EPC2: variants seen among roughly 807,000 people sequenced by gnomAD.
EPC2 encodes enhancer of polycomb 2.
In EPC2, 14 loss-of-function variants were observed where a neutral mutation model predicts 92.1. That is an observed-to-expected ratio of 0.15 (90% confidence interval 0.10 to 0.24). The LOEUF is 0.24. Ranked by LOEUF, EPC2 falls within the 10% of genes least tolerant of loss-of-function variation. The pLI is 1.00. For synonymous variants in EPC2, 340 were observed against 334.7 expected, an observed-to-expected ratio of 1.02 and a Z score of -0.17; for missense variants, 755 against 971.5, an observed-to-expected ratio of 0.78 and a Z score of 2.96.
intron 1 of EPC2, among the ~76,000 whole-genome samples, chr2:148,685,498 C>T (rs540216838): frequency 2.6e-5 from 4 of 152,304 alleles, no homozygotes; most frequent in East Asian, 1.9e-4. Flanking sequence ...CGGTGGCTCA[C>T]GCCTGTAATC....
chr2:148,645,276 C>G (rs1273663812), intron 1 of EPC2, 106 bp downstream of exon 1: 15 of 1,045,640 alleles, frequency 1.4e-5, no homozygotes, highest in Non-Finnish European at 2.1e-5. Context: ...GAGGGCGCCG[C>G]TGCCGCTCTA....
At chr2:148,691,706 C>A in intron 2 of EPC2, 1 of 1,270,512 alleles carries the variant, frequency 7.9e-7, no homozygotes, top group Non-Finnish European at 1.1e-6. Flanking sequence ...ACAGTATTAG[C>A]TTTAATTTAG....
chr2:148,655,841 A>G (rs937637007), intron 1 of EPC2, among the ~76,000 whole-genome samples: 2 of 152,022 alleles, frequency 1.3e-5, no homozygotes, highest in Admixed American at 1.3e-4. Flanking sequence ...GAATTGTCTT[A>G]TTTTCACATT....
intron 1 of EPC2, among the ~76,000 whole-genome samples, chr2:148,657,650 G>A (rs1282649992): frequency 6.6e-6 from 1 of 151,832 alleles, no homozygotes; most frequent in Non-Finnish European, 1.5e-5. Flanking sequence ...AGAATATCTA[G>A]GATGCTTTTA....
chr2:148,768,908 A>G (rs537561545), intron 7 of EPC2, among the ~76,000 whole-genome samples: 2 of 152,362 alleles, frequency 1.3e-5, no homozygotes, highest in South Asian at 4.1e-4. Flanking sequence ...CTTCATGTTT[A>G]GAAGCAATCA....
chr2:148,695,846 G>A (rs565994853), intron 2 of EPC2, among the ~76,000 whole-genome samples: 113 of 152,320 alleles, frequency 7.4e-4, no homozygotes, highest in African/African-American at 2.6e-3. Context: ...AATAAAGACT[G>A]GTAAAACAAT....
intron 2 of EPC2, among the ~76,000 whole-genome samples, chr2:148,733,311 C>T (rs55879127): frequency 0.18 from 27,431 of 151,282 alleles, 3,198 homozygotes; most frequent in East Asian, 0.48. Context: ...AAATACTTTA[C>T]TTTTCCTAAT....
chr2:148,756,862 A>G (rs1683200124), intron 4 of EPC2, among the ~76,000 whole-genome samples: 1 of 152,224 alleles, frequency 6.6e-6, no homozygotes, highest in Non-Finnish European at 1.5e-5. Flanking sequence ...GAAAAGATGT[A>G]CAGTTTATTC....
chr2:148,702,272 T>G (rs755626345), intron 2 of EPC2, among the ~76,000 whole-genome samples: 1 of 152,244 alleles, frequency 6.6e-6, no homozygotes, highest in Non-Finnish European at 1.5e-5. Flanking sequence ...AAATCTTGTG[T>G]TGTTAAATTT....
At chr2:148,724,962 T>C (rs1299406248) in intron 2 of EPC2, among the ~76,000 whole-genome samples, 2 of 152,062 alleles carry the variant, frequency 1.3e-5, no homozygotes, top group Non-Finnish European at 2.9e-5. Flanking sequence ...TCACCTTTAT[T>C]ATTAGATGGT....
At chr2:148,775,663 A>AAATAAAATTAAATTTAATTT (rs1558837443) in intron 10 of EPC2, among the ~76,000 whole-genome samples, 3 of 148,136 alleles carry the variant, frequency 2.0e-5, no homozygotes, top group Admixed American at 1.3e-4. Context: ...AAATAAAATT[A>AAATAAAATTAAATTTAATTT]AATAAAATTA....
At chr2:148,647,087 G>C (rs1683818890) in intron 1 of EPC2, among the ~76,000 whole-genome samples, 1 of 151,994 alleles carries the variant, frequency 6.6e-6, no homozygotes. Context: ...TCCAGCCTGG[G>C]GGACAGAGCG....
At chr2:148,668,864 G>T (rs2166971) in intron 1 of EPC2, among the ~76,000 whole-genome samples, 27,871 of 151,638 alleles carry the variant, frequency 0.18, 3,282 homozygotes, top group East Asian at 0.49. Context: ...CTTTCTCTGT[G>T]GATTTTCTGT....
chr2:148,730,056 T>C (rs1192292029), intron 2 of EPC2, among the ~76,000 whole-genome samples: 1 of 152,242 alleles, frequency 6.6e-6, no homozygotes, highest in Non-Finnish European at 1.5e-5. Flanking sequence ...TAGACTTGGA[T>C]TGCATTACCT....
At chr2:148,691,360 C>T (rs1681640326) in intron 2 of EPC2, among the ~76,000 whole-genome samples, 1 of 152,196 alleles carries the variant, frequency 6.6e-6, no homozygotes, top group Non-Finnish European at 1.5e-5. Context: ...CAACATCCGG[C>T]CTAGCTGAAG....
chr2:148,786,065 T>C (rs988287756), intron 13 of EPC2, among the ~76,000 whole-genome samples: 6 of 152,134 alleles, frequency 3.9e-5, no homozygotes, highest in African/African-American at 1.4e-4. Context: ...TGAAATGCCA[T>C]GTTAAATTAT....
chr2:148,676,824 C>G (rs1007852829), intron 1 of EPC2, among the ~76,000 whole-genome samples: 1 of 147,458 alleles, frequency 6.8e-6, no homozygotes, highest in Non-Finnish European at 1.5e-5. Flanking sequence ...GTCTTATAAA[C>G]AGTGCCATGA....
chr2:148,698,584 C>T (rs1206175154), intron 2 of EPC2, among the ~76,000 whole-genome samples: 1 of 139,740 alleles, frequency 7.2e-6, no homozygotes, highest in Admixed American at 8.5e-5. Flanking sequence ...TTCAGTGAGC[C>T]GAGATCGTGC....
intron 1 of EPC2, among the ~76,000 whole-genome samples, chr2:148,646,086 T>C (rs1214533589): frequency 6.6e-6 from 1 of 152,188 alleles, no homozygotes; most frequent in Non-Finnish European, 1.5e-5. Context: ...TGTTTATGAC[T>C]CGAGTGGTGT....
Sources: allele counts gnomAD v4.1 joint callset (sites outside exome capture counted in the v4.1 genomes callset), GRCh38; gene constraint gnomAD v4.1.1; transcripts MANE v1.5; gene names NCBI Gene and HGNC (gene_info 2026-07-23, HGNC 2026-07-21).